PCDHA7: variants seen among roughly 807,000 people sequenced by gnomAD.
The protein encoded by PCDHA7 is protocadherin alpha 7.
Under a neutral mutation model 57.2 loss-of-function variants are expected in PCDHA7, and 37 were observed. The observed-to-expected ratio is 0.65, with a 90% confidence interval of 0.50 to 0.85. PCDHA7 has a LOEUF of 0.85. PCDHA7 is among the 40% of genes least tolerant of loss of function. The probability of loss-of-function intolerance (pLI) is 0.00; values close to 1 mark genes in which losing one functional copy is unlikely to be tolerated. For synonymous variants in PCDHA7, 553 were observed against 558.8 expected, an observed-to-expected ratio of 0.99 and a Z score of 0.15; for missense variants, 1,188 against 1,241.8, an observed-to-expected ratio of 0.96 and a Z score of 0.65.
At chr5:140,933,338 G>T (rs2089065952) in intron 1 of PCDHA7, among the ~76,000 whole-genome samples, 1 of 151,926 alleles carries the variant, frequency 6.6e-6, no homozygotes, top group South Asian at 2.1e-4. Context: ...TGTAGAGAAA[G>T]ATAAACACTT....
chr5:140,912,235 C>G (rs562096532), intron 1 of PCDHA7, among the ~76,000 whole-genome samples: 2 of 151,858 alleles, frequency 1.3e-5, no homozygotes, highest in South Asian at 4.2e-4. Context: ...TCCACTGACT[C>G]AAATGTTAAT....
rs2150442306 is a variant in PCDHA7 at position 140,849,604 on chromosome 5, C to T, written c.2355+12866C>T. 16 of 1,598,568 alleles carry T rather than the reference C, an allele frequency of 1.0e-5. 2 individuals are homozygous for T. The highest frequency in any genetic ancestry group is 1.4e-5 in the Non-Finnish European group (16 of 1,167,944). On this transcript the variant is annotated intron_variant, in intron 1 of 3. Coordinates refer to ENST00000525929, the MANE Select transcript of PCDHA7 (RefSeq NM_018910.3). ...GACGCACAACTGGGGACAGTTATTG[C>T]CCTGATTAGTGTGATCGACCTAGAC... is the stretch of plus-strand genomic sequence containing the variant.
intron 1 of PCDHA7, among the ~76,000 whole-genome samples, chr5:140,873,723 CAA>C (rs1554166874): frequency 6.6e-6 from 1 of 152,158 alleles, no homozygotes; most frequent in Non-Finnish European, 1.5e-5. Context: ...TGCAGTGGCG[CAA>C]TCTCAGCTCA....
chr5:140,994,550 T>A (rs1554254228), intron 3 of PCDHA7, among the ~76,000 whole-genome samples: 1 of 151,060 alleles, frequency 6.6e-6, no homozygotes, highest in Non-Finnish European at 1.5e-5. Context: ...AAAAAAAATA[T>A]AAAAATTAGC....
chr5:140,857,611 G>T, intron 1 of PCDHA7: 1 of 1,596,436 alleles, frequency 6.3e-7, no homozygotes, highest in Admixed American at 1.7e-5. Context: ...CGCTGCAGCC[G>T]CTGGACCACG....
intron 1 of PCDHA7, among the ~76,000 whole-genome samples, chr5:140,964,181 T>A (rs1563333888): frequency 6.6e-6 from 1 of 152,218 alleles, no homozygotes; most frequent in African/African-American, 2.4e-5. Context: ...ATCATTATAG[T>A]GCCAAATAGA....
intron 1 of PCDHA7, among the ~76,000 whole-genome samples, chr5:140,879,372 G>T (rs1434937494): frequency 1.3e-5 from 2 of 152,172 alleles, no homozygotes; most frequent in African/African-American, 4.8e-5. Context: ...CCAACCTGCA[G>T]AACAAGGTTG....
chr5:140,987,120 A>G (rs1224513029), intron 3 of PCDHA7, among the ~76,000 whole-genome samples: 9 of 151,956 alleles, frequency 5.9e-5, no homozygotes, highest in African/African-American at 2.2e-4. Context: ...AGGCTGAGGC[A>G]GGAGAATTGC....
chr5:140,967,966 G>A, intron 1 of PCDHA7: 1 of 1,614,214 alleles, frequency 6.2e-7, no homozygotes, highest in African/African-American at 1.3e-5. Context: ...ACCGGAAAGT[G>A]AGCCTGGGTC....
Position 140,858,304 on chromosome 5 carries a change from G to A in PCDHA7, c.2355+21566G>A, listed in dbSNP as rs1370473412. 5 of 1,597,320 alleles carry A rather than the reference G, an allele frequency of 3.1e-6. No homozygotes were observed. In the African/African-American group the frequency reaches 6.7e-5, roughly 21 times the overall value. ...GGAGCTGGTCTTACTCGCAGCAGAG[G>A]CGGCAGAGGGTGTGTTCTGGGGAGG... On this transcript the variant is annotated intron_variant, in intron 1 of 3. Transcript: ENST00000525929.
In PCDHA7 at chr5:140,934,078, G is replaced by A. The variant is rs13188437; in HGVS notation, c.2356-44871G>A. On this transcript the variant is annotated intron_variant, in intron 1 of 3. Transcript: ENST00000525929. ...GGCTAACTTTTGGTGTTTTGGGTTC[G>A]CTTTGTTGTATGTTTGCTTTCTATT... is the stretch of plus-strand genomic sequence containing the variant. 1.4e-3 allele frequency among the ~76,000 whole-genome samples: 217 copies of A among 151,620 alleles called. 1 individual carries two copies. Among genetic ancestry groups the A allele is most frequent in the African/African-American group, 4.8e-3 (200 of 41,380 alleles).
chr5:141,000,418 T>C (rs2097923101), intron 3 of PCDHA7, among the ~76,000 whole-genome samples: 1 of 83,682 alleles, frequency 1.2e-5, no homozygotes, highest in Admixed American at 1.7e-4. Flanking sequence ...TATATATATA[T>C]ATATTTTTTT....
intron 1 of PCDHA7, chr5:140,856,072 G>A: frequency 6.3e-7 from 1 of 1,592,122 alleles, no homozygotes; most frequent in Non-Finnish European, 8.6e-7. Flanking sequence ...GTAGCTGCCT[G>A]GGGGTCCAGT....
At chr5:140,854,174 A>AAAAAGAGT in intron 1 of PCDHA7, 1 of 680,558 alleles carries the variant, frequency 1.5e-6, no homozygotes, top group Non-Finnish European at 1.8e-6. Context: ...AAAAAAAAAA[A>AAAAAGAGT]AAGAGTAGTT....
chr5:140,993,281 C>T (rs2097548459), intron 3 of PCDHA7, among the ~76,000 whole-genome samples: 1 of 152,102 alleles, frequency 6.6e-6, no homozygotes. Flanking sequence ...TCTTTTCTTG[C>T]CCAGGGTCAC....
At chr5:140,877,299 C>T in intron 1 of PCDHA7, 1 of 1,613,922 alleles carries the variant, frequency 6.2e-7, no homozygotes. Flanking sequence ...GGCTGTCCTA[C>T]GAGTTGCAAC....
chr5:140,877,607 T>C (rs782533203), intron 1 of PCDHA7: 5 of 1,613,712 alleles, frequency 3.1e-6, no homozygotes. Flanking sequence ...AGCCTGCTGG[T>C]GCTCACGCTG....
intron 1 of PCDHA7, among the ~76,000 whole-genome samples, chr5:140,973,299 T>C (rs1191449890): frequency 1.3e-5 from 2 of 152,198 alleles, no homozygotes; most frequent in African/African-American, 4.8e-5. Flanking sequence ...TTCTATCTGA[T>C]GACTCTATCC....
intron 1 of PCDHA7, among the ~76,000 whole-genome samples, chr5:140,945,934 T>C (rs1161156525): frequency 2.0e-5 from 3 of 152,092 alleles, no homozygotes; most frequent in African/African-American, 4.8e-5. Context: ...TGAGCAATGA[T>C]GTTTTTTATA....
Sources: gnomAD v4.1 joint callset for allele counts (sites outside exome capture counted in the v4.1 genomes callset) on GRCh38, gnomAD v4.1.1 for gene constraint, MANE v1.5 for transcripts, NCBI Gene and HGNC (gene_info 2026-07-23, HGNC 2026-07-21) for gene names.